DNAH14: variants seen among roughly 807,000 people sequenced by gnomAD.
The protein encoded by DNAH14 is dynein axonemal heavy chain 14.
A neutral mutation model predicts 520.9 loss-of-function variants in DNAH14; 478 were observed. That is an observed-to-expected ratio of 0.92 (90% CI 0.85 to 0.99). The LOEUF (loss-of-function observed/expected upper bound fraction) is 0.99. Ranked by LOEUF, DNAH14 falls within the 50% of genes least tolerant of loss-of-function variation. The pLI is 0.00. For synonymous variants in DNAH14, 1,581 were observed against 1,757.2 expected, an observed-to-expected ratio of 0.90 and a Z score of 2.51; for missense variants, 4,831 against 5,234.5, an observed-to-expected ratio of 0.92 and a Z score of 2.38.
Position 225,374,886 on chromosome 1 carries a change from G to A in DNAH14, c.12516+1G>A. 1 of 1,542,156 alleles carries A rather than the reference G, an allele frequency of 6.5e-7. No individual in the cohort carries two copies. The highest frequency in any genetic ancestry group is 2.5e-5 in the East Asian group (1 of 40,778). On this transcript the variant is annotated splice_donor_variant, in intron 78 of 85. Coordinates refer to ENST00000682510, the MANE Select transcript of DNAH14 (RefSeq NM_001367479.1). LOFTEE classifies it high-confidence loss of function. ...TGACTTCAGTTTCTCCAGTGATGGG[G>A]TAGGAAAAGAATCAATCTTCTTGCA...
In DNAH14 at chr1:225,218,483, CA is replaced by C. The variant is rs143044295; in HGVS notation, c.6439+11276del. ...GAAGATCTACCAAGCAAATGGAAAC[CA>C]AAAAAAAAAAAAGCAGGGGTTGCAA... On this transcript the variant is annotated intron_variant, in intron 41 of 85. Transcript: ENST00000682510. 7.4e-3 allele frequency among the ~76,000 whole-genome samples: 939 copies of C among 126,388 alleles called. 5 individuals carry two copies. The highest frequency in any genetic ancestry group is 0.02 in the Middle Eastern group (5 of 248). The allele number at this position is 126,388 out of a possible 152,430, so 82.9% of individuals were successfully genotyped here.
At position 225,340,551 on chromosome 1, in the gene DNAH14, T is replaced by G; in HGVS notation, c.10528T>G (p.Leu3510Val). The G allele has an allele frequency of 6.4e-7, 1 of 1,551,458 alleles. No individual in the cohort carries two copies. Among genetic ancestry groups the G allele is most frequent in the Non-Finnish European group, 8.7e-7 (1 of 1,146,866 alleles). The stretch of plus-strand genomic sequence containing the variant: ...CAACTTCACTGTAACATTCCAAGGT[T>G]TGCAAGATCAACTCTTGTCTACTGT... ...MINFTVTFQG[L>V]QDQLLSTVVT... The change falls in exon 69 of 86, where the codon TTG becomes GTG. Residue 3510 changes from leucine to valine, a missense_variant. By Grantham distance (32) the Leu-to-Val change is conservative. Coordinates refer to ENST00000682510, the MANE Select transcript of DNAH14 (RefSeq NM_001367479.1).
chr1:225,265,409 C>T, intron 48 of DNAH14, 40 bp downstream of exon 48: 1 of 1,445,412 alleles, frequency 6.9e-7, no homozygotes, highest in Non-Finnish European at 9.1e-7. Flanking sequence ...TCTGCTTAGG[C>T]TAGTCAAGTG....
intron 8 of DNAH14, among the ~76,000 whole-genome samples, chr1:225,001,108 T>C (rs2063740178): frequency 6.6e-6 from 1 of 151,734 alleles, no homozygotes; most frequent in African/African-American, 2.4e-5. Context: ...CAATGGACTT[T>C]TTTTTTTTTT....
In DNAH14 at chr1:225,360,760, G is replaced by A. The variant is rs894577511; in HGVS notation, c.11856G>A (p.Leu3952=). The A allele has an allele frequency of 1.7e-5, 27 of 1,551,692 alleles. No individual in the cohort carries two copies. Among genetic ancestry groups the A allele is most frequent in the Non-Finnish European group, 2.4e-5 (27 of 1,146,982 alleles). ...CACATCATGTGACCATAATTTCTCT[G>A]GGCCGTGACCAAGCAGCTAAAGCTG... ...GTTHHVTIIS[L]GRDQAAKAED... is the part of the protein sequence containing the mutation. The change falls in exon 75 of 86, where the codon CTG becomes CTA. Residue 3952 remains leucine, a synonymous_variant. Transcript: ENST00000682510.
chr1:225,041,241 T>C (rs2148209425), intron 12 of DNAH14, among the ~76,000 whole-genome samples: 1 of 152,342 alleles, frequency 6.6e-6, no homozygotes, highest in Non-Finnish European at 1.5e-5. Flanking sequence ...GAGCTCAAAA[T>C]GTTGAAAATA....
intron 48 of DNAH14, among the ~76,000 whole-genome samples, chr1:225,266,306 G>A (rs573627471): frequency 8.5e-5 from 13 of 152,222 alleles, no homozygotes; most frequent in Non-Finnish European, 1.6e-4. Context: ...ATGAAAAATA[G>A]CCATGTTCCT....
chr1:225,081,242 C>T (rs1370103521), intron 19 of DNAH14, among the ~76,000 whole-genome samples: 1 of 152,154 alleles, frequency 6.6e-6, no homozygotes, highest in Non-Finnish European at 1.5e-5. Context: ...TTTTGTTTCA[C>T]CTGGCCAAGA....
chr1:225,337,200 C>T (rs896714216), intron 66 of DNAH14, 66 bp from the exon 67 acceptor site: 4 of 1,279,026 alleles, frequency 3.1e-6, no homozygotes, highest in Non-Finnish European at 4.4e-6. Flanking sequence ...CTTTTAGTAC[C>T]CTGTAGGATA....
In DNAH14 at chr1:225,374,756, C is replaced by T. The variant is rs545057042; in HGVS notation, c.12387C>T (p.Tyr4129=). The T allele has an allele frequency of 2.6e-6, 4 of 1,551,536 alleles. No individual in the cohort carries two copies. Among genetic ancestry groups the T allele is most frequent in the East Asian group, 2.4e-5 (1 of 40,906 alleles). ...QPSISWQALR[Y]LIGEVIYGGR... is the part of the protein sequence containing the mutation. Reference sequence around the variant, plus strand: ...GCATTTCGTGGCAAGCACTGCGCTACCTGATTGGAGAAGTGATTTACGGTG... The same window carrying T: ...GCATTTCGTGGCAAGCACTGCGCTATCTGATTGGAGAAGTGATTTACGGTG... The change falls in exon 78 of 86, where the codon TAC becomes TAT. Residue 4129 remains tyrosine (Y), a synonymous_variant. Coordinates refer to ENST00000682510, the MANE Select transcript of DNAH14 (RefSeq NM_001367479.1).
At chr1:225,187,351 G>A (rs2084887459) in intron 37 of DNAH14, among the ~76,000 whole-genome samples, 1 of 151,652 alleles carries the variant, frequency 6.6e-6, no homozygotes, top group African/African-American at 2.4e-5. Context: ...GCCACTAATT[G>A]GCTTTCTCTT....
At chr1:225,126,832 C>G (rs1457461567) in intron 27 of DNAH14, among the ~76,000 whole-genome samples, 1 of 151,860 alleles carries the variant, frequency 6.6e-6, no homozygotes, top group Non-Finnish European at 1.5e-5. Flanking sequence ...CCTGCTTTCT[C>G]TTGTGGGCAT....
At chr1:225,193,270 T>C (rs902977038) in intron 38 of DNAH14, among the ~76,000 whole-genome samples, 2 of 152,222 alleles carry the variant, frequency 1.3e-5, no homozygotes, top group East Asian at 3.9e-4. Flanking sequence ...AAGTATTTGA[T>C]ACAAAATTCA....
In DNAH14 at chr1:225,398,594, GA is replaced by G; in HGVS notation, c.13570del (p.Ile4524TyrfsTer66). ...AGGGGGCAAGATGGAATCGTGAACAGAAAATACTGGAAGACTCGCTGCCTCT... is the reference window on the plus strand; with the variant it reads ...AGGGGGCAAGATGGAATCGTGAACAGAAATACTGGAAGACTCGCTGCCTCT... ...IEGARWNREQ[K>X]ILEDSLPLEM... On this transcript the variant is annotated frameshift_variant, in exon 85 of 86. Coordinates refer to ENST00000682510, the MANE Select transcript of DNAH14 (RefSeq NM_001367479.1). LOFTEE classifies it high-confidence loss of function. The G allele has an allele frequency of 1.3e-6, 2 of 1,551,706 alleles. No individual in the cohort carries two copies. The highest frequency in any genetic ancestry group is 1.7e-6 in the Non-Finnish European group (2 of 1,146,996).
At chr1:225,163,870 G>A (rs2081780014) in intron 35 of DNAH14, among the ~76,000 whole-genome samples, 1 of 151,990 alleles carries the variant, frequency 6.6e-6, no homozygotes, top group African/African-American at 2.4e-5. Flanking sequence ...TGGCCTTGTG[G>A]AATTAGTTTG....
intron 27 of DNAH14, among the ~76,000 whole-genome samples, chr1:225,125,953 G>C (rs976610789): frequency 1.3e-5 from 2 of 152,082 alleles, no homozygotes; most frequent in Admixed American, 6.6e-5. Flanking sequence ...CAACATTATT[G>C]TGTCTCAGGG....
chr1:225,117,513 CA>C (rs1398732574), intron 23 of DNAH14, among the ~76,000 whole-genome samples, 170 bp from the exon 24 acceptor site: 2 of 151,708 alleles, frequency 1.3e-5, no homozygotes, highest in Admixed American at 1.3e-4. Flanking sequence ...TTTTTTTTAG[CA>C]ATTTAAGTAT....
At chr1:225,228,996 GCCTTTGATCTTTCGTGTGCAGGA>G (rs2090830198) in intron 41 of DNAH14, among the ~76,000 whole-genome samples, 2 of 152,156 alleles carry the variant, frequency 1.3e-5, no homozygotes, top group South Asian at 4.1e-4. Context: ...CCTAAAACCG[GCCTTTGATCTTTCGTGTGCAGGA>G]CTGCTCTCTA....
chr1:225,187,933 C>T (rs1242923958), intron 37 of DNAH14, among the ~76,000 whole-genome samples: 1 of 151,644 alleles, frequency 6.6e-6, no homozygotes, highest in Non-Finnish European at 1.5e-5. Flanking sequence ...GGTCCAACTT[C>T]GTTCTTTTAC....
Sources: allele counts gnomAD v4.1 joint callset (sites outside exome capture counted in the v4.1 genomes callset), GRCh38; gene constraint gnomAD v4.1.1; transcripts MANE v1.5; gene names NCBI Gene and HGNC (gene_info 2026-07-23, HGNC 2026-07-21).